Variants in LINGO2 observed in about 807,000 individuals in gnomAD.
LINGO2 encodes leucine rich repeat and Ig domain containing 2, also known as leucine-rich repeat and immunoglobulin-like domain-containing nogo receptor-interacting protein 2.
Under a neutral mutation model 30.6 loss-of-function variants are expected in LINGO2, and 14 were observed. That is an observed-to-expected ratio of 0.46 (90% CI 0.30 to 0.72). The LOEUF is 0.72. LINGO2 is among the 30% of genes least tolerant of loss of function. The pLI is 0.07. For synonymous variants in LINGO2, 317 were observed against 288.5 expected (o/e 1.10, Z -1.00); for missense variants, 729 against 751.7 (o/e 0.97, Z 0.35).
the LINGO2 span, among the ~76,000 whole-genome samples, chr9:28,943,739 G>A: frequency 0.16 from 24,344 of 152,130 alleles, 1,983 homozygotes; most frequent in South Asian, 0.2. Flanking sequence ...AGGATAACAG[G>A]GCTGGTGATG....
At chr9:28,187,703 A>T (rs1274577820) in intron 4 of LINGO2, among the ~76,000 whole-genome samples, 1 of 152,160 alleles carries the variant, frequency 6.6e-6, no homozygotes, top group Non-Finnish European at 1.5e-5. Flanking sequence ...TAAACATTTA[A>T]ACTTGAGAAG....
the LINGO2 span, among the ~76,000 whole-genome samples, chr9:28,804,564 C>CAAA: frequency 1.6e-4 from 21 of 127,746 alleles, no homozygotes; most frequent in African/African-American, 5.1e-4. Context: ...AAAACAAAAA[C>CAAA]AAAAAAAAAA....
intron 1 of LINGO2, among the ~76,000 whole-genome samples, chr9:28,638,454 T>C (rs1376610457): frequency 6.6e-6 from 1 of 152,170 alleles, no homozygotes; most frequent in Non-Finnish European, 1.5e-5. Flanking sequence ...GGTCCTGGAC[T>C]TTTTTTAGTT....
chr9:29,143,038 T>C, the LINGO2 span, among the ~76,000 whole-genome samples: 1 of 143,416 alleles, frequency 7.0e-6, no homozygotes, highest in Non-Finnish European at 1.5e-5. Flanking sequence ...AACAATCCCA[T>C]TCATAGTAGT....
chr9:28,175,922 G>A (rs1205815213), intron 4 of LINGO2, among the ~76,000 whole-genome samples: 2 of 152,118 alleles, frequency 1.3e-5, no homozygotes, highest in African/African-American at 2.4e-5. Flanking sequence ...TGATGGTGGA[G>A]GTCAAGGAGG....
the LINGO2 span, among the ~76,000 whole-genome samples, chr9:28,825,249 T>A: frequency 6.6e-6 from 1 of 152,074 alleles, no homozygotes; most frequent in Non-Finnish European, 1.5e-5. Context: ...TTTTCTTGAC[T>A]ACAATGGATG....
At chr9:28,989,743 T>A in the LINGO2 span, among the ~76,000 whole-genome samples, 1 of 152,162 alleles carries the variant, frequency 6.6e-6, no homozygotes, top group East Asian at 1.9e-4. Flanking sequence ...CACAGCTAAC[T>A]ATATATGTTG....
chr9:28,639,570 T>C (rs1827469812), intron 1 of LINGO2, among the ~76,000 whole-genome samples: 1 of 152,204 alleles, frequency 6.6e-6, no homozygotes, highest in South Asian at 2.1e-4. Flanking sequence ...TTTACCATTA[T>C]GTAATGGCCT....
chr9:28,054,064 C>CAAAAA (rs11461978), intron 4 of LINGO2, among the ~76,000 whole-genome samples: 1 of 149,084 alleles, frequency 6.7e-6, no homozygotes, highest in African/African-American at 2.5e-5. Flanking sequence ...AGCTAGCAGA[C>CAAAAA]AAAAAAAAAG....
At chr9:28,939,161 G>C in the LINGO2 span, among the ~76,000 whole-genome samples, 1 of 80,880 alleles carries the variant, frequency 1.2e-5, no homozygotes, top group Non-Finnish European at 2.9e-5. Flanking sequence ...CTTATGTTCT[G>C]CAGTTCGAAG....
At chr9:28,979,040 G>T in the LINGO2 span, among the ~76,000 whole-genome samples, 2 of 151,954 alleles carry the variant, frequency 1.3e-5, no homozygotes, top group Non-Finnish European at 1.5e-5. Context: ...TATCAGAACT[G>T]TCCAATATTT....
intron 5 of LINGO2, among the ~76,000 whole-genome samples, chr9:27,967,645 T>G (rs1279869943): frequency 6.6e-6 from 1 of 152,210 alleles, no homozygotes; most frequent in Non-Finnish European, 1.5e-5. Flanking sequence ...GAAAATGACC[T>G]ATTGTCTATC....
chr9:28,983,343 G>C, the LINGO2 span, among the ~76,000 whole-genome samples: 2 of 145,878 alleles, frequency 1.4e-5, no homozygotes, highest in Non-Finnish European at 3.0e-5. Context: ...AAGAACTGAT[G>C]ATTAAGCAAA....
the LINGO2 span, among the ~76,000 whole-genome samples, chr9:29,027,219 G>A: frequency 3.3e-5 from 5 of 152,122 alleles, no homozygotes; most frequent in Admixed American, 1.3e-4. Flanking sequence ...AGTTGAGGCC[G>A]AGATTTTATT....
At chr9:28,134,104 C>G (rs1459695853) in intron 4 of LINGO2, among the ~76,000 whole-genome samples, 2 of 152,130 alleles carry the variant, frequency 1.3e-5, no homozygotes, top group Admixed American at 6.6e-5. Context: ...AAATATATCT[C>G]AAATACATTG....
chr9:27,965,856 C>T (rs1563863026), intron 5 of LINGO2, among the ~76,000 whole-genome samples: 2 of 151,962 alleles, frequency 1.3e-5, no homozygotes, highest in South Asian at 4.2e-4. Context: ...GCCTGCTGGC[C>T]TCACAAATGC....
the LINGO2 span, among the ~76,000 whole-genome samples, chr9:29,116,289 A>G: frequency 6.6e-6 from 1 of 152,036 alleles, no homozygotes; most frequent in Non-Finnish European, 1.5e-5. Context: ...AAGAATACTG[A>G]CAAAATGCTA....
At chr9:28,777,151 T>C in the LINGO2 span, among the ~76,000 whole-genome samples, 1 of 152,204 alleles carries the variant, frequency 6.6e-6, no homozygotes, top group African/African-American at 2.4e-5. Context: ...TCTGTGGAAC[T>C]GTGAGTCAAT....
chr9:28,995,566 C>T, the LINGO2 span, among the ~76,000 whole-genome samples: 6 of 152,124 alleles, frequency 3.9e-5, no homozygotes, highest in East Asian at 1.9e-4. Context: ...AAGACACATG[C>T]GCACGTATGT....
Sources: allele counts gnomAD v4.1 joint callset (sites outside exome capture counted in the v4.1 genomes callset), GRCh38; gene constraint gnomAD v4.1.1; transcripts MANE v1.5; gene names NCBI Gene and HGNC (gene_info 2026-07-23, HGNC 2026-07-21).